The following G6PD variants were observed in gnomAD, a reference collection of about 807,000 sequenced individuals.
G6PD encodes the protein glucose-6-phosphate 1-dehydrogenase.
G6PD carries 2 observed loss-of-function variants against 38.2 expected under a neutral mutation model. That is an observed-to-expected ratio of 0.05 (90% CI 0.02 to 0.16). G6PD has a LOEUF of 0.16. Ranked by LOEUF, G6PD falls within the 10% of genes least tolerant of loss-of-function variation. The pLI, the probability that G6PD is intolerant of heterozygous loss-of-function variation, is 1.00. For synonymous variants in G6PD, 188 were observed against 196.0 expected (o/e 0.96, Z 0.34); for missense variants, 310 against 471.6 (o/e 0.66, Z 3.17).
chrX:154,534,932 C>G (rs1375321187), intron 5 of G6PD: 4 of 441,208 alleles, frequency 9.1e-6, no homozygotes, highest in Non-Finnish European at 1.6e-5. Flanking sequence ...CAGCGCGGGC[C>G]ATGCTGCATT....
intron 3 of G6PD, 39 bp from the exon 4 acceptor site, chrX:154,536,084 C>A: frequency 8.3e-7 from 1 of 1,203,530 alleles, no homozygotes; most frequent in Non-Finnish European, 1.1e-6. Flanking sequence ...GCGGGCAGGG[C>A]AGGACCAGGC....
At position 154,533,000 on chromosome X, in the gene G6PD, C is replaced by T; in HGVS notation, c.993G>A (p.Gly331=). The T allele has an allele frequency of 1.7e-6, 2 of 1,212,020 alleles. No homozygotes were observed. The highest frequency in any genetic ancestry group is 3.5e-5 in the African/African-American group (2 of 57,955). ...GYLDDPTVPR[G]STTATFAAVV... ...CGGCTGCAAAAGTGGCGGTGGTGGA[C>T]CCGCGGGGCACCGTGGGGTCGTCCA... Residue 331 remains glycine, a synonymous_variant, in exon 9 of 13, where the codon GGG becomes GGA. Coordinates refer to ENST00000393562, the MANE Select transcript of G6PD (RefSeq NM_001360016.2).
chrX:154,534,015 G>A lies in G6PD; in HGVS notation c.770+20C>T. 2.5e-6 allele frequency: 3 copies of A among 1,211,315 alleles called. No homozygotes were observed. The highest frequency in any genetic ancestry group is 3.4e-6 in the Non-Finnish European group (3 of 895,150). On this transcript the variant is annotated intron_variant, in intron 7 of 12. Coordinates refer to ENST00000393562, the MANE Select transcript of G6PD (RefSeq NM_001360016.2). ...CTGCCACCCTGTGCCAGCCTCCCAGGAGAGAGGAAGAGCTCTCACCGGATG... is the reference window on the plus strand; with the variant it reads ...CTGCCACCCTGTGCCAGCCTCCCAGAAGAGAGGAAGAGCTCTCACCGGATG...
chrX:154,531,814 G>C lies in G6PD; in HGVS notation c.*186C>G, dbSNP rs986597786. Reference sequence around the variant, plus strand: ...TCTGGAGGGGCCAGGATGGTCTCGAGTGCTTGGCAGCTGAGGAATGTAGCT... The same window carrying C: ...TCTGGAGGGGCCAGGATGGTCTCGACTGCTTGGCAGCTGAGGAATGTAGCT... On this transcript the variant is annotated 3_prime_UTR_variant, in exon 13 of 13. Transcript: ENST00000393562. 2.2e-5 allele frequency: 16 copies of C among 736,580 alleles called. No homozygotes were observed. Among genetic ancestry groups the C allele is most frequent in the Non-Finnish European group, 3.1e-5 (16 of 509,775 alleles). The allele number at this position is 736,580 out of a possible 1,213,427, so 60.7% of individuals were successfully genotyped here. A position where few individuals can be genotyped will look rare whatever the true frequency, so the allele number is the denominator to read the frequency against.
chrX:154,537,579 C>T (rs1557231074), intron 2 of G6PD, among the ~76,000 whole-genome samples: 1 of 112,350 alleles, frequency 8.9e-6, no homozygotes, highest in African/African-American at 3.2e-5. Context: ...CAAGCCACTG[C>T]ACTCCAGCCT....
chrX:154,535,674 G>A, intron 4 of G6PD: 1 of 451,865 alleles, frequency 2.2e-6, no homozygotes, highest in Non-Finnish European at 3.9e-6. Context: ...GAAATACACT[G>A]GAGAAAGCTC....
In G6PD at chrX:154,536,618, TGAAGTCAG is replaced by T. The variant is rs1368446081; in HGVS notation, c.121-448_121-441del. Among the ~76,000 whole-genome samples, 7 of 111,435 alleles carry T rather than the reference TGAAGTCAG, an allele frequency of 6.3e-5. No homozygotes were observed. The Admixed American group carries it at 6.7e-4, about 11-fold the overall frequency. On this transcript the variant is annotated intron_variant, in intron 2 of 12. Coordinates refer to ENST00000393562, the MANE Select transcript of G6PD (RefSeq NM_001360016.2). ...GGGAGGCTGAGGCAGGCAGATCACC[TGAAGTCAG>T]GAGTTCAAGACCAGCCAATGTGGCA...
intron 2 of G6PD, among the ~76,000 whole-genome samples, chrX:154,539,919 C>T (rs1419354848): frequency 9.1e-6 from 1 of 110,049 alleles, no homozygotes; most frequent in South Asian, 3.9e-4. Context: ...GATGGGGTTT[C>T]GCCATGTTGG....
At chrX:154,546,606 C>T (rs781945422) in intron 1 of G6PD, among the ~76,000 whole-genome samples, 183 bp downstream of exon 1, 2 of 111,340 alleles carry the variant, frequency 1.8e-5, no homozygotes, top group South Asian at 7.8e-4. Context: ...GTCGGCAAGT[C>T]CCCTTCGCTC....
intron 2 of G6PD, among the ~76,000 whole-genome samples, chrX:154,539,218 C>T (rs781880903): frequency 8.9e-6 from 1 of 111,786 alleles, no homozygotes; most frequent in East Asian, 2.8e-4. Context: ...CACGAATGGT[C>T]ACAGCAGCCT....
chrX:154,542,326 C>T (rs1357699000), intron 2 of G6PD: 1 of 1,189,473 alleles, frequency 8.4e-7, no homozygotes, highest in Admixed American at 2.4e-5. Context: ...CGCAGACTAT[C>T]AATCCCAGTC....
At position 154,543,968 on chromosome X, in the gene G6PD, C is replaced by G. The variant is rs189112356; in HGVS notation, c.120+2068G>C. Among the ~76,000 whole-genome samples, 3 of 108,326 alleles carry G rather than the reference C, an allele frequency of 2.8e-5. No homozygotes were observed. The Admixed American group carries it at 3.0e-4, about 11-fold the overall frequency. 94.1% of individuals were successfully genotyped at this position (108,326 alleles called of 115,157 possible). On this transcript the variant is annotated intron_variant, in intron 2 of 12. Coordinates refer to ENST00000393562, the MANE Select transcript of G6PD (RefSeq NM_001360016.2). ...CTGCAAGCTCCGCCTCCCGAGTTCA[C>G]GCCTTTCTCCTGCCTCAGCCTCCTG...
upstream of G6PD, chrX:154,547,451 G>A: frequency 2.6e-6 from 2 of 755,248 alleles, no homozygotes; most frequent in Non-Finnish European, 3.1e-6. Flanking sequence ...CAAAGTGGCC[G>A]GCGTGCTTAT....
rs781855149 is a variant in G6PD, at chrX:154,534,445, G to A, written c.537C>T (p.Ser179=). The change falls in exon 6 of 13, where the codon AGC becomes AGT. Residue 179 remains serine (S), a synonymous_variant. Coordinates refer to ENST00000393562, the MANE Select transcript of G6PD (RefSeq NM_001360016.2). The stretch of plus-strand genomic sequence containing the variant: ...AGATGTGGTTGGACAGCCGGTCAGA[G>A]CTCTGCAGGTCCCTCCCGAAGGGCT... ...VEKPFGRDLQ[S]SDRLSNHISS... is the part of the protein sequence containing the mutation. 3 of 1,211,871 alleles carry A rather than the reference G, an allele frequency of 2.5e-6. No homozygotes were observed. The highest frequency in any genetic ancestry group is 3.4e-6 in the Non-Finnish European group (3 of 895,412).
intron 2 of G6PD, among the ~76,000 whole-genome samples, chrX:154,544,193 C>T (rs2070617428): frequency 2.0e-5 from 2 of 102,522 alleles, no homozygotes; most frequent in Admixed American, 1.1e-4. Context: ...GACAGAGTCT[C>T]GCTCTGTCGC....
chrX:154,535,428 CCT>C (rs2070396985), intron 4 of G6PD, 43 bp from the exon 5 acceptor site: 2 of 1,118,039 alleles, frequency 1.8e-6, no homozygotes, highest in Non-Finnish European at 2.4e-6. Context: ...GATGTCAGCC[CCT>C]CTCTTTGAGT....
At chrX:154,546,675 C>T (rs975699008) in intron 1 of G6PD, 114 bp downstream of exon 1, 45 of 621,668 alleles carry the variant, frequency 7.2e-5, no homozygotes, top group Non-Finnish European at 1.0e-4. Context: ...GGTTAAGACC[C>T]TCTCGATTCT....
chrX:154,545,548 C>A (rs782147928), intron 2 of G6PD, among the ~76,000 whole-genome samples: 50 of 111,798 alleles, frequency 4.5e-4, no homozygotes, highest in African/African-American at 1.3e-3. Context: ...TCAGAAACGT[C>A]CTGCAGCCGG....
intron 12 of G6PD, 47 bp downstream of exon 12, chrX:154,532,141 C>T (rs369387680): frequency 5.0e-6 from 6 of 1,196,772 alleles, no homozygotes; most frequent in East Asian, 6.0e-5. Context: ...ACCCTCACCC[C>T]GCCCCTGCCC....
Sources: gnomAD v4.1 joint callset for allele counts (sites outside exome capture counted in the v4.1 genomes callset) on GRCh38, gnomAD v4.1.1 for gene constraint, MANE v1.5 for transcripts, NCBI Gene and HGNC (gene_info 2026-07-23, HGNC 2026-07-21) for gene names.